The following CLSTN1 variants were observed in gnomAD, a reference collection of about 807,000 sequenced individuals.
The protein encoded by CLSTN1 is calsyntenin-1.
A neutral mutation model predicts 108.3 loss-of-function variants in CLSTN1; 28 were observed. That is an observed-to-expected ratio of 0.26 (90% CI 0.19 to 0.35). The LOEUF is 0.35. Among genes scored for constraint, CLSTN1 ranks in the 10% least tolerant of loss-of-function variants. CLSTN1 has a pLI of 1.00. For missense variants in CLSTN1, 1,157 were observed against 1,302.6 expected, an observed-to-expected ratio of 0.89 and a Z score of 1.72; for synonymous variants, 524 against 534.9, an observed-to-expected ratio of 0.98 and a Z score of 0.28.
At chr1:9,733,276 G>T in intron 16 of CLSTN1, 125 bp downstream of exon 16, 1 of 1,205,280 alleles carries the variant, frequency 8.3e-7, no homozygotes. Context: ...CGACCCCCTA[G>T]AATGAGCCTG....
chr1:9,735,568 G>T lies in CLSTN1; in HGVS notation c.1782C>A (p.Asp594Glu). 1 of 1,614,124 alleles carries T rather than the reference G, an allele frequency of 6.2e-7. No individual in the cohort carries two copies. Residue 594 changes from aspartate to glutamate, a missense_variant, in exon 13 of 19, where the codon GAC becomes GAA. Transcript: ENST00000377298. ...SQLVLTLEGEDLGELDKAMQH... is the reference protein window; with the variant it reads ...SQLVLTLEGEELGELDKAMQH... ...GCATGGCCTTATCCAATTCCCCGAGGTCTTCTCCCTCCAAGGTCAATACCA... is the reference window on the plus strand; with the variant it reads ...GCATGGCCTTATCCAATTCCCCGAGTTCTTCTCCCTCCAAGGTCAATACCA...
rs772315972 is a variant in CLSTN1 at position 9,731,801 on chromosome 1, G to C, written c.2523C>G (p.Asp841Glu). Reference sequence around the variant, plus strand: ...GGTTGGCCAGGTTGTGGCCTGACAGGTCAACAAAGGAGCGGTGTTCCGGGT... The same window carrying C: ...GGTTGGCCAGGTTGTGGCCTGACAGCTCAACAAAGGAGCGGTGTTCCGGGT... The part of the protein sequence containing the change: ...FVHPEHRSFV[D>E]LSGHNLANPH... Residue 841 changes from aspartate to glutamate, a missense_variant, in exon 17 of 19, where the codon GAC becomes GAG. Physicochemically the swap from Asp to Glu is conservative, Grantham distance 45. Transcript: ENST00000377298. 3.1e-6 allele frequency: 5 copies of C among 1,614,104 alleles called. No individual in the cohort carries two copies. Among genetic ancestry groups the C allele is most frequent in the Non-Finnish European group, 4.2e-6 (5 of 1,180,052 alleles).
rs137932914 is a variant in CLSTN1, at chr1:9,754,982, A to G, written c.440+132T>C. The G allele has an allele frequency of 6.1e-6, 4 of 655,218 alleles. No homozygotes were observed. In the African/African-American group the frequency reaches 7.2e-5, roughly 12 times the overall value. 40.6% of individuals were successfully genotyped at this position (655,218 alleles called of 1,614,324 possible). ...CTCCAAGTGTTTACAATCTAATTGT[A>G]GACACTTGAGAACTATCTTCTGCCT... On this transcript the variant is annotated intron_variant, in intron 4 of 18. Coordinates refer to ENST00000377298, the MANE Select transcript of CLSTN1 (RefSeq NM_001009566.3).
At chr1:9,767,685 G>A (rs899396641) in intron 2 of CLSTN1, among the ~76,000 whole-genome samples, 6 of 151,982 alleles carry the variant, frequency 3.9e-5, no homozygotes, top group Admixed American at 2.0e-4. Context: ...AACATGGTGC[G>A]AAATTAAACT....
rs114597956 is a variant in CLSTN1, at chr1:9,756,650, A to G, written c.215-140T>C. On this transcript the variant is annotated intron_variant, in intron 2 of 18. Coordinates refer to ENST00000377298, the MANE Select transcript of CLSTN1 (RefSeq NM_001009566.3). ...GACCGGCTTCTACGATTGCTACAGC[A>G]AAACCTAATCTTCAGGAACAAAATG... 4.3e-4 allele frequency: 282 copies of G among 653,722 alleles called. No homozygotes were observed. The African/African-American group carries it at 4.5e-3, about 10-fold the overall frequency. 40.5% of individuals were successfully genotyped at this position (653,722 alleles called of 1,614,324 possible). A position where few individuals can be genotyped will look rare whatever the true frequency, so the allele number is the denominator to read the frequency against.
Position 9,739,941 on chromosome 1 carries a change from C to T in CLSTN1, c.1519+1153G>A, listed in dbSNP as rs941852175. On this transcript the variant is annotated intron_variant, in intron 10 of 18. Coordinates refer to ENST00000377298, the MANE Select transcript of CLSTN1 (RefSeq NM_001009566.3). ...ACGCCATTCTCCTGCCTCAGCCTCCCGAGTAGCTGGGACCACAGGCACCCG... is the reference window on the plus strand; with the variant it reads ...ACGCCATTCTCCTGCCTCAGCCTCCTGAGTAGCTGGGACCACAGGCACCCG... 3.3e-5 allele frequency among the ~76,000 whole-genome samples: 5 copies of T among 151,842 alleles called. No individual in the cohort carries two copies. In the East Asian group the frequency reaches 5.8e-4, roughly 18 times the overall value.
chr1:9,737,326 T>C (rs912123872), intron 11 of CLSTN1, among the ~76,000 whole-genome samples, 172 bp downstream of exon 11: 1 of 152,074 alleles, frequency 6.6e-6, no homozygotes, highest in African/African-American at 2.4e-5. Flanking sequence ...GGGGTCAGAA[T>C]GGGCAGAATA....
chr1:9,738,747 T>C (rs1650819211), intron 10 of CLSTN1, among the ~76,000 whole-genome samples: 1 of 152,158 alleles, frequency 6.6e-6, no homozygotes, highest in Admixed American at 6.6e-5. Context: ...CTCAGCCTCC[T>C]GGGTTCAAGT....
In CLSTN1 at chr1:9,729,085, A is replaced by G. The variant is rs1456369585; in HGVS notation, c.*1423T>C. ...ACTTTCTGACCTATCATGAGTATAC[A>G]CATCTGCGAAGGGAAACCGCGCGGC... On this transcript the variant is annotated 3_prime_UTR_variant, in exon 19 of 19. Coordinates refer to ENST00000377298, the MANE Select transcript of CLSTN1 (RefSeq NM_001009566.3). The G allele has an allele frequency of 6.6e-6, 1 of 152,182 alleles. No individual in the cohort carries two copies. Among genetic ancestry groups the G allele is most frequent in the Non-Finnish European group, 1.5e-5 (1 of 68,034 alleles). 9.4% of individuals were successfully genotyped at this position (152,182 alleles called of 1,614,324 possible). A position where few individuals can be genotyped will look rare whatever the true frequency, so the allele number is the denominator to read the frequency against.
At position 9,735,968 on chromosome 1, in the gene CLSTN1, C is replaced by G; in HGVS notation, c.1651G>C (p.Asp551His). 6.2e-7 allele frequency: 1 copy of G among 1,614,188 alleles called. No homozygotes were observed. The highest frequency in any genetic ancestry group is 8.5e-7 in the Non-Finnish European group (1 of 1,180,034). ...GLTLRSGKLA[D>H]KKVIDCLYTC... is the part of the protein sequence containing the mutation. ...TACAGACAGTCGATCACCTTCTTAT[C>G]CGCGAGTTTCCCGGAACGGAGAGTT... Residue 551 changes from aspartate to histidine, a missense_variant, in exon 12 of 19, where the codon GAT becomes CAT. Transcript: ENST00000377298.
intron 12 of CLSTN1, 34 bp from the exon 13 acceptor site, chr1:9,735,649 T>G (rs1650647274): frequency 6.2e-7 from 1 of 1,612,726 alleles, no homozygotes; most frequent in Non-Finnish European, 8.5e-7. Context: ...AGGAGAAGAA[T>G]AAGCCAGTAA....
At chr1:9,799,368 G>A (rs1243344584) in intron 1 of CLSTN1, among the ~76,000 whole-genome samples, 2 of 152,114 alleles carry the variant, frequency 1.3e-5, no homozygotes, top group African/African-American at 4.8e-5. Context: ...GGAGCCGGGC[G>A]CGGTGGCTCA....
At chr1:9,822,918 G>A (rs1310887735) in intron 1 of CLSTN1, among the ~76,000 whole-genome samples, 1 of 152,226 alleles carries the variant, frequency 6.6e-6, no homozygotes, top group East Asian at 1.9e-4. Flanking sequence ...GGCACCAGGG[G>A]TAGCAGAGAC....
At chr1:9,731,663 C>G (rs552525961) in intron 17 of CLSTN1, 98 bp downstream of exon 17, 14 of 1,237,592 alleles carry the variant, frequency 1.1e-5, no homozygotes, top group Middle Eastern at 2.5e-4. Context: ...AGGGAAAGAC[C>G]GGCGGTCATG....
chr1:9,747,175 TCA>T (rs1491170735), intron 7 of CLSTN1, among the ~76,000 whole-genome samples: 1 of 52,650 alleles, frequency 1.9e-5, no homozygotes, highest in African/African-American at 9.5e-5. Context: ...GGAGACTGTC[TCA>T]AAAAAAAAAA....
intron 2 of CLSTN1, 53 bp from the exon 3 acceptor site, chr1:9,756,563 G>T: frequency 6.8e-7 from 1 of 1,469,358 alleles, no homozygotes. Context: ...GAATGAAGAT[G>T]GAATACACTA....
At chr1:9,821,830 G>A (rs577454375) in intron 1 of CLSTN1, among the ~76,000 whole-genome samples, 4 of 152,128 alleles carry the variant, frequency 2.6e-5, no homozygotes, top group Admixed American at 2.0e-4. Flanking sequence ...TCTTTATTCC[G>A]AAGACTAAGA....
intron 1 of CLSTN1, among the ~76,000 whole-genome samples, 194 bp from the exon 2 acceptor site, chr1:9,773,588 T>C (rs537664395): frequency 6.6e-6 from 1 of 152,098 alleles, no homozygotes; most frequent in Non-Finnish European, 1.5e-5. Flanking sequence ...GAATAAGTAA[T>C]GTTGAAATTA....
chr1:9,774,418 G>T (rs1652838211), intron 1 of CLSTN1, among the ~76,000 whole-genome samples: 1 of 151,826 alleles, frequency 6.6e-6, no homozygotes, highest in African/African-American at 2.4e-5. Flanking sequence ...ATACAAAAAT[G>T]AGCCAGGTGT....
Sources: gnomAD v4.1 joint callset for allele counts (sites outside exome capture counted in the v4.1 genomes callset) on GRCh38, gnomAD v4.1.1 for gene constraint, MANE v1.5 for transcripts, NCBI Gene and HGNC (gene_info 2026-07-23, HGNC 2026-07-21) for gene names.